The following RIMS2 variants were observed in gnomAD, a reference collection of about 807,000 sequenced individuals.
RIMS2 encodes regulating synaptic membrane exocytosis 2, also known as regulating synaptic membrane exocytosis protein 2.
A neutral mutation model predicts 174.4 loss-of-function variants in RIMS2; 59 were observed. The observed-to-expected ratio is 0.34, with a 90% confidence interval of 0.27 to 0.42. RIMS2 has a LOEUF of 0.42. Among genes scored for constraint, RIMS2 ranks in the 10% least tolerant of loss-of-function variants. The pLI, the probability that RIMS2 is intolerant of heterozygous loss-of-function variation, is 1.00. For missense variants in RIMS2, 1,620 were observed against 1,666.3 expected (o/e 0.97, Z 0.48); for synonymous variants, 606 against 572.5 (o/e 1.06, Z -0.84).
At chr8:103,582,518 T>C (rs1019751526) in intron 1 of RIMS2, among the ~76,000 whole-genome samples, 2 of 152,150 alleles carry the variant, frequency 1.3e-5, no homozygotes, top group Non-Finnish European at 2.9e-5. Context: ...GACTCTTAGA[T>C]GGTATTTCTG....
intron 19 of RIMS2, chr8:104,223,391 G>C (rs1373140049): frequency 8.0e-7 from 1 of 1,253,088 alleles, no homozygotes; most frequent in Non-Finnish European, 1.0e-6. Context: ...GACCTCGGAC[G>C]TTCACTGCGA....
intron 3 of RIMS2, 92 bp downstream of exon 6, chr8:103,766,629 T>C (rs536317880): frequency 8.6e-6 from 7 of 816,856 alleles, no homozygotes; most frequent in Non-Finnish European, 1.2e-5. Flanking sequence ...TAGGCAATGG[T>C]GAGTTGTCTA....
chr8:104,158,507 C>T (rs1186887556), intron 19 of RIMS2, among the ~76,000 whole-genome samples: 1 of 152,218 alleles, frequency 6.6e-6, no homozygotes, highest in Non-Finnish European at 1.5e-5. Context: ...AATTTACACT[C>T]CTACCAACAG....
intron 20 of RIMS2, among the ~76,000 whole-genome samples, chr8:104,245,310 A>G (rs1425594463): frequency 1.1e-4 from 17 of 152,232 alleles, no homozygotes; most frequent in Admixed American, 1.1e-3. Flanking sequence ...TGACTCTTAC[A>G]ATGCAATGCA....
At chr8:104,039,528 G>C (rs1427797299) in intron 19 of RIMS2, among the ~76,000 whole-genome samples, 2 of 151,450 alleles carry the variant, frequency 1.3e-5, no homozygotes, top group Non-Finnish European at 3.0e-5. Flanking sequence ...AGCTTCATTT[G>C]TTTACGTAGT....
chr8:103,574,213 A>G (rs1052598119), intron 1 of RIMS2, among the ~76,000 whole-genome samples: 4 of 152,172 alleles, frequency 2.6e-5, no homozygotes, highest in Non-Finnish European at 5.9e-5. Context: ...TGCTATTCAA[A>G]TAAAAACTGG....
At chr8:104,011,161 C>T (rs1441271679) in intron 17 of RIMS2, among the ~76,000 whole-genome samples, 1 of 152,108 alleles carries the variant, frequency 6.6e-6, no homozygotes, top group Non-Finnish European at 1.5e-5. Flanking sequence ...TGTGTCTAAG[C>T]TAGTCAGACC....
intron 14 of RIMS2, among the ~76,000 whole-genome samples, chr8:103,955,789 T>C (rs1182792790): frequency 6.6e-6 from 1 of 152,064 alleles, no homozygotes; most frequent in Non-Finnish European, 1.5e-5. Flanking sequence ...GGTACTCAAG[T>C]AGGAAAAAGA....
chr8:104,068,686 A>AT, intron 19 of RIMS2, 74 bp downstream of exon 23: 1 of 764,614 alleles, frequency 1.3e-6, no homozygotes, highest in Non-Finnish European at 2.2e-6. Context: ...TAAACTACTA[A>AT]ATGCAGATTA....
chr8:104,104,940 T>G (rs1417772940), intron 19 of RIMS2, among the ~76,000 whole-genome samples: 2 of 152,100 alleles, frequency 1.3e-5, no homozygotes, highest in Non-Finnish European at 2.9e-5. Context: ...GTAGATGCTA[T>G]TCTATTAGTT....
At chr8:103,923,075 G>A (rs1002030491) in intron 10 of RIMS2, among the ~76,000 whole-genome samples, 1 of 151,644 alleles carries the variant, frequency 6.6e-6, no homozygotes, top group Non-Finnish European at 1.5e-5. Flanking sequence ...AAAATAAGTA[G>A]CATCTTTCTA....
intron 19 of RIMS2, among the ~76,000 whole-genome samples, chr8:104,032,303 G>C (rs1195363946): frequency 6.6e-6 from 1 of 152,024 alleles, no homozygotes; most frequent in African/African-American, 2.4e-5. Context: ...ATTCAATAAG[G>C]AGTCTCTTCA....
At chr8:104,028,747 C>T (rs1214159043) in intron 19 of RIMS2, among the ~76,000 whole-genome samples, 1 of 152,134 alleles carries the variant, frequency 6.6e-6, no homozygotes, top group East Asian at 1.9e-4. Context: ...CCAGCTTTAT[C>T]CCATCAAATA....
At chr8:103,554,956 CAT>C (rs1440749729) in intron 1 of RIMS2, among the ~76,000 whole-genome samples, 1 of 152,094 alleles carries the variant, frequency 6.6e-6, no homozygotes, top group African/African-American at 2.4e-5. Flanking sequence ...CACATGTTCT[CAT>C]GTGTAAGTAT....
chr8:103,950,893 T>G (rs2085185157), intron 14 of RIMS2, among the ~76,000 whole-genome samples: 2 of 152,174 alleles, frequency 1.3e-5, no homozygotes, highest in South Asian at 2.1e-4. Context: ...ACAAAAACTA[T>G]TATAAGAAGT....
chr8:104,006,808 A>G (rs771198380), intron 17 of RIMS2, among the ~76,000 whole-genome samples: 14 of 151,754 alleles, frequency 9.2e-5, no homozygotes, highest in South Asian at 6.2e-4. Flanking sequence ...ATATATATAT[A>G]TATTTGGGTT....
chr8:103,607,361 T>G (rs375720532), intron 1 of RIMS2, among the ~76,000 whole-genome samples: 3 of 152,038 alleles, frequency 2.0e-5, no homozygotes, highest in East Asian at 1.9e-4. Context: ...GGGTTTCTGC[T>G]GAGAGATCCG....
chr8:103,735,706 T>G (rs1183662407), intron 2 of RIMS2, among the ~76,000 whole-genome samples: 2 of 152,160 alleles, frequency 1.3e-5, no homozygotes, highest in African/African-American at 4.8e-5. Flanking sequence ...TTAGTGTTCT[T>G]GATGATTTCA....
At chr8:104,066,106 C>G (rs1194304584) in intron 19 of RIMS2, among the ~76,000 whole-genome samples, 2 of 152,144 alleles carry the variant, frequency 1.3e-5, no homozygotes, top group Non-Finnish European at 2.9e-5. Context: ...TAAAGCCACA[C>G]TTATTATATA....
Sources: gnomAD v4.1 joint callset for allele counts (sites outside exome capture counted in the v4.1 genomes callset) on GRCh38, gnomAD v4.1.1 for gene constraint, MANE v1.5 for transcripts, NCBI Gene and HGNC (gene_info 2026-07-23, HGNC 2026-07-21) for gene names.